The following SZT2 variants were observed in gnomAD, a reference collection of about 807,000 sequenced individuals.
SZT2 encodes KICSTOR complex protein SZT2.
A neutral mutation model predicts 404.2 loss-of-function variants in SZT2; 216 were observed. That is an observed-to-expected ratio of 0.53 (90% CI 0.48 to 0.60). SZT2 has a LOEUF of 0.60. SZT2 is among the 20% of genes least tolerant of loss of function. The pLI, the probability that SZT2 is intolerant of heterozygous loss-of-function variation, is 0.00. For missense variants in SZT2, 3,857 were observed against 4,459.2 expected (o/e 0.86, Z 3.85); for synonymous variants, 1,693 against 1,749.9 (o/e 0.97, Z 0.81).
rs1184282555 is a variant in SZT2, at chr1:43,433,053, C to T, written c.5667C>T (p.Ala1889=). The change falls in exon 40 of 72, where the codon GCC becomes GCT. Residue 1889 remains alanine (A), a synonymous_variant. Coordinates refer to ENST00000634258, the MANE Select transcript of SZT2 (RefSeq NM_001365999.1). ...EGPNDTLGEK[A]PFTLRTPPGP... ...CCAATGACACCCTTGGTGAGAAGGC[C>T]CCCTTCACATTGCGGACTCCACCTG... is the stretch of plus-strand genomic sequence containing the variant. 6.2e-7 allele frequency: 1 copy of T among 1,614,088 alleles called. No individual in the cohort carries two copies. The highest frequency in any genetic ancestry group is 1.1e-5 in the South Asian group (1 of 91,076).
rs759450249 is a variant in SZT2, at chr1:43,448,146, C to T, written c.9631C>T (p.Arg3211Cys). The T allele has an allele frequency of 5.0e-6, 8 of 1,609,762 alleles. No homozygotes were observed. Among genetic ancestry groups the T allele is most frequent in the South Asian group, 1.1e-5 (1 of 90,756 alleles). ...LFPRLTADMR[R>C]FRKPPRLPPE... is the part of the protein sequence containing the mutation. ...CCCCAGGCTCACTGCTGACATGCGC[C>T]GCTTCCGGAAGCCACCCAGACTGCC... The change falls in exon 69 of 72, where the codon CGC becomes TGC. Residue 3211 changes from arginine to cysteine, a missense_variant. By Grantham distance (180) the Arg-to-Cys change is radical. Coordinates refer to ENST00000634258, the MANE Select transcript of SZT2 (RefSeq NM_001365999.1). This position sits in a 1 kb window ranked among gnomAD's most constrained non-coding sequence, Gnocchi z 4.2.
intron 15 of SZT2, among the ~76,000 whole-genome samples, chr1:43,423,839 C>T (rs756043507): frequency 7.7e-5 from 11 of 142,450 alleles, no homozygotes; most frequent in Middle Eastern, 4.3e-3. Context: ...CGTGGCTTAG[C>T]GAGGTATGAG....
At position 43,432,534 on chromosome 1, in the gene SZT2, C is replaced by T; in HGVS notation, c.5460C>T (p.Pro1820=). ...TTCCTCAGACCCTGACAGCCAGCCC[C>T]CAAGCACCTGGGTCCCCAGAGGATT... is the stretch of plus-strand genomic sequence containing the variant. The part of the protein sequence containing the change: ...GIEGETLTAS[P]QAPGSPEDSE... Residue 1820 remains proline, a synonymous_variant, in exon 38 of 72, where the codon CCC becomes CCT. Transcript: ENST00000634258. The T allele has an allele frequency of 6.2e-7, 1 of 1,608,598 alleles. No individual in the cohort carries two copies. The highest frequency in any genetic ancestry group is 8.5e-7 in the Non-Finnish European group (1 of 1,177,332).
rs746023182 is a variant in SZT2, at chr1:43,446,973, G to A, written c.9091G>A (p.Glu3031Lys). Residue 3031 changes from glutamate (E) to lysine (K), a missense_variant, in exon 66 of 72, where the codon GAG (glutamate) becomes AAG (lysine). Physicochemically the swap from Glu to Lys is moderately conservative, Grantham distance 56. Transcript: ENST00000634258. ...VNSQLSMLFT[E>K]ECDKVRDLMH... Reference sequence around the variant, plus strand: ...TCCCCAGCTGTCCATGCTGTTCACAGAGGAGTGTGACAAGGTGCGGGACCT... The same window carrying A: ...TCCCCAGCTGTCCATGCTGTTCACAAAGGAGTGTGACAAGGTGCGGGACCT... The A allele has an allele frequency of 8.1e-6, 13 of 1,612,830 alleles. No homozygotes were observed.
At position 43,422,889 on chromosome 1, in the gene SZT2, C is replaced by CT; in HGVS notation, c.2037+7dup. 6.4e-7 allele frequency: 1 copy of CT among 1,574,596 alleles called. No homozygotes were observed. Among genetic ancestry groups the CT allele is most frequent in the Non-Finnish European group, 8.6e-7 (1 of 1,167,632 alleles). The stretch of plus-strand genomic sequence containing the variant: ...CAGCACCGGCCCGGCACAAGGTAAG[C>CT]TGGGCCCTGACTGACTCTGACCAAG... On this transcript the variant is annotated splice_region_variant and intron_variant, in intron 14 of 71. Coordinates refer to ENST00000634258, the MANE Select transcript of SZT2 (RefSeq NM_001365999.1).
intron 4 of SZT2, among the ~76,000 whole-genome samples, chr1:43,412,951 G>A (rs1233278364): frequency 6.6e-6 from 1 of 152,160 alleles, no homozygotes; most frequent in Non-Finnish European, 1.5e-5. Context: ...AATGAAAACT[G>A]CAATGAGGTA....
chr1:43,424,105 A>G lies in SZT2; in HGVS notation c.2256-112A>G. 1.1e-6 allele frequency: 1 copy of G among 874,278 alleles called. No individual in the cohort carries two copies. Among genetic ancestry groups the G allele is most frequent in the South Asian group, 1.6e-5 (1 of 61,782 alleles). The allele number at this position is 874,278 out of a possible 1,614,324, so 54.2% of individuals were successfully genotyped here. A position where few individuals can be genotyped will look rare whatever the true frequency, so the allele number is the denominator to read the frequency against. On this transcript the variant is annotated intron_variant, in intron 15 of 71. Coordinates refer to ENST00000634258, the MANE Select transcript of SZT2 (RefSeq NM_001365999.1). The surrounding 1 kb of genome is among the most constrained non-coding windows in gnomAD (Gnocchi z 4.1). ...CGTGGCTTAGCCGGGTATCAGTGGTACAGAGGTGTGGAAGGGCGTGGCTTA... is the reference window on the plus strand; with the variant it reads ...CGTGGCTTAGCCGGGTATCAGTGGTGCAGAGGTGTGGAAGGGCGTGGCTTA...
At chr1:43,403,513 A>T in intron 2 of SZT2, 88 bp from the exon 3 acceptor site, 1 of 1,460,362 alleles carries the variant, frequency 6.8e-7, no homozygotes, top group Non-Finnish European at 9.4e-7. Context: ...AGAGCCAATG[A>T]TGTGTCATTT....
chr1:43,441,513 A>T lies in SZT2; in HGVS notation c.7521A>T (p.Thr2507=). 6.2e-7 allele frequency: 1 copy of T among 1,613,922 alleles called. No homozygotes were observed. Among genetic ancestry groups the T allele is most frequent in the Non-Finnish European group, 8.5e-7 (1 of 1,179,918 alleles). ...CTCCCACTGTCTTCAGGCGCCGGAC[A>T]ACACAGCTAGAAGAGGGTGAGGTGG... ...DSGAQRQKRR[T]TQLEEGEVGT... is the part of the protein sequence containing the mutation. Residue 2507 remains threonine (T), a synonymous_variant, in exon 54 of 72, where the codon ACA becomes ACT. Coordinates refer to ENST00000634258, the MANE Select transcript of SZT2 (RefSeq NM_001365999.1). The surrounding 1 kb of genome is among the most constrained non-coding windows in gnomAD (Gnocchi z 4.8).
chr1:43,391,511 G>C (rs1440230140), intron 1 of SZT2, among the ~76,000 whole-genome samples: 1 of 152,168 alleles, frequency 6.6e-6, no homozygotes, highest in Non-Finnish European at 1.5e-5. Context: ...ATGGTGGTAG[G>C]AAACTATGCC....
In SZT2 at chr1:43,427,714, G is replaced by T; in HGVS notation, c.3783G>T (p.Ala1261=). The T allele has an allele frequency of 1.2e-6, 2 of 1,613,626 alleles. No homozygotes were observed. The highest frequency in any genetic ancestry group is 1.1e-5 in the South Asian group (1 of 91,044). Residue 1261 remains alanine, a synonymous_variant, in exon 26 of 72, where the codon GCG becomes GCT. Coordinates refer to ENST00000634258, the MANE Select transcript of SZT2 (RefSeq NM_001365999.1). ...EQMVGMQPPQ[A]PRDLIFRTQF... is the part of the protein sequence containing the mutation. ...TGGTTGGCATGCAGCCCCCTCAGGC[G>T]CCCCGAGACCTCATCTTCCGGTGAG...
intron 5 of SZT2, among the ~76,000 whole-genome samples, chr1:43,415,565 C>G (rs1651607030): frequency 6.6e-6 from 1 of 152,226 alleles, no homozygotes; most frequent in Non-Finnish European, 1.5e-5. Context: ...ACTTCCCTGT[C>G]TCATCACTTT....
chr1:43,439,984 G>A lies in SZT2; in HGVS notation c.7146G>A (p.Leu2382=), dbSNP rs1455539035. 8 of 1,614,056 alleles carry A rather than the reference G, an allele frequency of 5.0e-6. No homozygotes were observed. Among genetic ancestry groups the A allele is most frequent in the African/African-American group, 1.3e-5 (1 of 74,932 alleles). The change falls in exon 51 of 72, where the codon CTG becomes CTA. Residue 2382 remains leucine, a synonymous_variant. Coordinates refer to ENST00000634258, the MANE Select transcript of SZT2 (RefSeq NM_001365999.1). This position sits in a 1 kb window ranked among gnomAD's most constrained non-coding sequence, Gnocchi z 4.2. ...TCCGAGGAGCAGCTCGCCAGGCCCTGGCCGATGCCATCATCGAGCTTCAGC... is the reference window on the plus strand; with the variant it reads ...TCCGAGGAGCAGCTCGCCAGGCCCTAGCCGATGCCATCATCGAGCTTCAGC... ...EKLRGAARQA[L]ADAIIELQLL... is the part of the protein sequence containing the mutation.
At position 43,437,656 on chromosome 1, in the gene SZT2, G is replaced by T. The variant is rs765248092; in HGVS notation, c.6352G>T (p.Ala2118Ser). 6.8e-6 allele frequency: 11 copies of T among 1,614,006 alleles called. No homozygotes were observed. In the Middle Eastern group the frequency reaches 4.9e-4, roughly 73 times the overall value. Residue 2118 changes from alanine to serine, a missense_variant, in exon 45 of 72, where the codon GCT becomes TCT. Physicochemically the swap from Ala to Ser is moderately conservative, Grantham distance 99. Coordinates refer to ENST00000634258, the MANE Select transcript of SZT2 (RefSeq NM_001365999.1). The surrounding 1 kb of genome is among the most constrained non-coding windows in gnomAD (Gnocchi z 5.3). ...AGGGGATGCGCTGCCCCCTTCCCTC[G>T]CTCTGTCCCGAAGCCAAGAGCCCAT... ...WKGDALPPSL[A>S]LSRSQEPIYS...
intron 39 of SZT2, 68 bp from the exon 40 acceptor site, chr1:43,432,921 G>A: frequency 1.3e-6 from 2 of 1,597,552 alleles, no homozygotes; most frequent in Non-Finnish European, 1.7e-6. Flanking sequence ...CAAGCCAGAT[G>A]CACCTGGAGG....
chr1:43,417,446 G>A (rs2153931744), intron 7 of SZT2, among the ~76,000 whole-genome samples: 1 of 152,298 alleles, frequency 6.6e-6, no homozygotes, highest in Middle Eastern at 3.4e-3. Flanking sequence ...GTAGAGTGAG[G>A]ATAAGATGAT....
chr1:43,403,479 G>A, intron 2 of SZT2, 122 bp from the exon 3 acceptor site: 1 of 1,407,966 alleles, frequency 7.1e-7, no homozygotes, highest in South Asian at 1.4e-5. Flanking sequence ...GAGAGGAAGA[G>A]TATACGGTTA....
chr1:43,443,365 A>G lies in SZT2; in HGVS notation c.8513A>G (p.Glu2838Gly), dbSNP rs775528176. ...ATMPISAGEL[E>G]TLKQSSRLVH... ...CTGTTTCCCCAGGCTGGAGAGCTGG[A>G]GACCCTGAAGCAGTCATCCCGCCTG... is the stretch of plus-strand genomic sequence containing the variant. Residue 2838 changes from glutamate to glycine, a missense_variant, in exon 61 of 72, where the codon GAG becomes GGG. By Grantham distance (98) the Glu-to-Gly change is moderately conservative. Coordinates refer to ENST00000634258, the MANE Select transcript of SZT2 (RefSeq NM_001365999.1). The G allele has an allele frequency of 1.7e-5, 28 of 1,614,128 alleles. No homozygotes were observed. The highest frequency in any genetic ancestry group is 2.3e-5 in the Non-Finnish European group (27 of 1,180,006).
At chr1:43,435,382 T>G (rs768730433) in intron 42 of SZT2, 53 bp downstream of exon 42, 26 of 1,602,430 alleles carry the variant, frequency 1.6e-5, no homozygotes, top group Non-Finnish European at 2.2e-5. Context: ...CGCCCTTTCT[T>G]TTACCGAATA....
Sources: gnomAD v4.1 joint callset for allele counts (sites outside exome capture counted in the v4.1 genomes callset) on GRCh38, gnomAD v4.1.1 for gene constraint, Gnocchi (gnomAD v3.1) non-coding constraint, MANE v1.5 for transcripts, NCBI Gene and HGNC (gene_info 2026-07-23, HGNC 2026-07-21) for gene names.